OPHN1: variants seen among roughly 807,000 people sequenced by gnomAD.
OPHN1 encodes the protein oligophrenin 1, also known as oligophrenin-1.
Under a neutral mutation model 60.7 loss-of-function variants are expected in OPHN1, and 11 were observed. The observed-to-expected ratio is 0.18, with a 90% CI of 0.11 to 0.30. The LOEUF (loss-of-function observed/expected upper bound fraction) is 0.30, where lower values mean the gene tolerates loss of function less well. OPHN1 is among the 10% of genes least tolerant of loss of function. The pLI is 1.00. For synonymous variants in OPHN1, 226 were observed against 222.6 expected (o/e 1.02, Z -0.14); for missense variants, 449 against 611.0 (o/e 0.73, Z 2.80).
At chrX:68,337,239 A>AT (rs2078328433) in intron 2 of OPHN1, among the ~76,000 whole-genome samples, 1 of 111,594 alleles carries the variant, frequency 9.0e-6, no homozygotes, top group South Asian at 3.7e-4. Flanking sequence ...GTCTTTTTCA[A>AT]TTTTTTTCCC....
At chrX:68,110,222 G>C (rs1359722512) in intron 18 of OPHN1, among the ~76,000 whole-genome samples, 1 of 111,850 alleles carries the variant, frequency 8.9e-6, no homozygotes, top group Non-Finnish European at 1.9e-5. Flanking sequence ...GGTTTAATTT[G>C]TATTTTTGTT....
intron 2 of OPHN1, among the ~76,000 whole-genome samples, chrX:68,322,325 A>G (rs2082676284): frequency 9.0e-6 from 1 of 111,632 alleles, no homozygotes; most frequent in South Asian, 3.7e-4. Flanking sequence ...GTTCCCAGGC[A>G]TTTATCCCAG....
chrX:68,227,948 C>T (rs2077704929), intron 6 of OPHN1, among the ~76,000 whole-genome samples: 1 of 110,834 alleles, frequency 9.0e-6, no homozygotes, highest in Non-Finnish European at 1.9e-5. Context: ...AAAAAACCTT[C>T]AAAAAATCAA....
chrX:68,149,789 C>T (rs940990803), intron 15 of OPHN1, among the ~76,000 whole-genome samples: 1 of 108,052 alleles, frequency 9.3e-6, no homozygotes, highest in Non-Finnish European at 1.9e-5. Context: ...TAATTCTACT[C>T]CTAGTTATAT....
At chrX:68,168,796 A>G (rs1234281959) in intron 15 of OPHN1, among the ~76,000 whole-genome samples, 1 of 111,492 alleles carries the variant, frequency 9.0e-6, no homozygotes, top group Non-Finnish European at 1.9e-5. Context: ...AATCAAATAG[A>G]TGCAATAAAA....
chrX:68,127,009 T>C (rs1249379664), intron 15 of OPHN1, among the ~76,000 whole-genome samples: 2 of 112,268 alleles, frequency 1.8e-5, no homozygotes, highest in Non-Finnish European at 3.8e-5. Context: ...CTTGCTTGTC[T>C]ATAAACCAAC....
chrX:68,086,802 C>A (rs1164805431), intron 19 of OPHN1, among the ~76,000 whole-genome samples: 3 of 111,227 alleles, frequency 2.7e-5, no homozygotes, highest in Non-Finnish European at 3.8e-5. Flanking sequence ...GTAGGAATTC[C>A]TAACTCATAG....
At chrX:68,266,887 G>C (rs1200300618) in intron 5 of OPHN1, among the ~76,000 whole-genome samples, 1 of 111,176 alleles carries the variant, frequency 9.0e-6, no homozygotes, top group Non-Finnish European at 1.9e-5. Flanking sequence ...CCTAGTCTCT[G>C]ATAAAACAGA....
intron 18 of OPHN1, among the ~76,000 whole-genome samples, chrX:68,105,655 C>CG (rs2077078294): frequency 1.4e-4 from 1 of 7,181 alleles, no homozygotes; most frequent in African/African-American, 5.5e-4. Context: ...TGGGGCCTGT[C>CG]GGGGGGTGGG....
chrX:68,137,334 TC>T (rs1239276935), intron 15 of OPHN1, among the ~76,000 whole-genome samples: 2 of 111,640 alleles, frequency 1.8e-5, no homozygotes, highest in Non-Finnish European at 3.8e-5. Context: ...CCTGTCTCTA[TC>T]CCCATATATA....
chrX:68,394,968 T>C (rs1326340561), intron 2 of OPHN1, among the ~76,000 whole-genome samples: 1 of 107,972 alleles, frequency 9.3e-6, no homozygotes, highest in Non-Finnish European at 1.9e-5. Context: ...AATTTATTTA[T>C]TTATTGAGAC....
At chrX:68,159,924 T>G (rs1282452253) in intron 15 of OPHN1, among the ~76,000 whole-genome samples, 1 of 109,712 alleles carries the variant, frequency 9.1e-6, no homozygotes, top group East Asian at 2.9e-4. Flanking sequence ...AGTGCACCCA[T>G]GCCAATAATG....
chrX:68,212,352 C>T (rs2077588306), intron 7 of OPHN1, 140 bp from the exon 8 acceptor site: 14 of 467,964 alleles, frequency 3.0e-5, no homozygotes, highest in South Asian at 1.7e-4. Context: ...TTTGGGAGGC[C>T]GAGGCGGGCA....
intron 5 of OPHN1, among the ~76,000 whole-genome samples, chrX:68,248,754 A>G (rs1196743253): frequency 8.9e-6 from 1 of 112,413 alleles, no homozygotes; most frequent in Non-Finnish European, 1.9e-5. Flanking sequence ...TGGAGTAATT[A>G]TTCAGCCATA....
chrX:68,253,085 G>C (rs2077844364), intron 5 of OPHN1, among the ~76,000 whole-genome samples: 1 of 111,484 alleles, frequency 9.0e-6, no homozygotes, highest in Admixed American at 9.6e-5. Flanking sequence ...AAGTTGTCTG[G>C]ATAAATATTG....
At chrX:68,415,996 CAG>C (rs1446502716) in intron 2 of OPHN1, among the ~76,000 whole-genome samples, 1 of 92,589 alleles carries the variant, frequency 1.1e-5, no homozygotes, top group East Asian at 3.4e-4. Context: ...GCCTGGGTGA[CAG>C]AGCAAGACTC....
chrX:68,332,756 A>T (rs1305265652), intron 2 of OPHN1, among the ~76,000 whole-genome samples: 2 of 109,496 alleles, frequency 1.8e-5, no homozygotes, highest in East Asian at 5.7e-4. Context: ...AATCTTTATA[A>T]CCTCCCAACC....
Position 68,064,099 on chromosome X carries a change from A to C in OPHN1, c.1913T>G (p.Leu638Arg), listed in dbSNP as rs745376525. The C allele has an allele frequency of 1.7e-6, 2 of 1,209,560 alleles. No individual in the cohort carries two copies. The highest frequency in any genetic ancestry group is 2.2e-6 in the Non-Finnish European group (2 of 894,510). ...AGTTTCCCCACTCCTCTGAATAGGTAGTTTGGGGTGTTGTGGTGGCTTGGG... is the reference window on the plus strand; with the variant it reads ...AGTTTCCCCACTCCTCTGAATAGGTCGTTTGGGGTGTTGTGGTGGCTTGGG... ...EPPKPPQHPK[L>R]PIQRSGETDP... is the part of the protein sequence containing the mutation. The change falls in exon 21 of 25, where the codon CTA (leucine) becomes CGA (arginine). Residue 638 changes from leucine to arginine, a missense_variant. This residue lies in a region of OPHN1 where 184 missense variants were observed against 160.5 expected (regional missense o/e 1.15). Transcript: ENST00000355520.
chrX:68,063,881 G>A lies in OPHN1; in HGVS notation c.2131C>T (p.Pro711Ser), dbSNP rs1422309868. 1.7e-6 allele frequency: 2 copies of A among 1,174,472 alleles called. No individual in the cohort carries two copies. The highest frequency in any genetic ancestry group is 2.3e-6 in the Non-Finnish European group (2 of 876,020). The change falls in exon 21 of 25, where the codon CCC becomes TCC. Residue 711 changes from proline (P) to serine (S), a missense_variant. By Grantham distance (74) the Pro-to-Ser change is moderately conservative. This residue lies in a region of OPHN1 where 184 missense variants were observed against 160.5 expected (regional missense o/e 1.15). Coordinates refer to ENST00000355520, the MANE Select transcript of OPHN1 (RefSeq NM_002547.3). ...TPSFHIKRPA[P>S]RPLAHHKEGD... ...TCCTTGTGGTGGGCCAGGGGCCGGG[G>A]AGCTGGTCTCTTTATGTGGAAAGAG...
Sources: allele counts gnomAD v4.1 joint callset (sites outside exome capture counted in the v4.1 genomes callset), GRCh38; gene constraint gnomAD v4.1.1; regional missense constraint gnomAD v4.1.1; transcripts MANE v1.5; gene names NCBI Gene and HGNC (gene_info 2026-07-23, HGNC 2026-07-21).